MMS22L: variants seen among roughly 807,000 people sequenced by gnomAD.
MMS22L encodes MMS22 like, DNA repair protein.
In MMS22L, 74 loss-of-function variants were observed where a neutral mutation model predicts 159.1. The observed-to-expected ratio is 0.47, with a 90% confidence interval of 0.39 to 0.56. MMS22L has a LOEUF of 0.56. MMS22L is among the 20% of genes least tolerant of loss of function. MMS22L has a pLI of 0.00. For missense variants in MMS22L, 1,351 were observed against 1,422.1 expected, an observed-to-expected ratio of 0.95 and a Z score of 0.80; for synonymous variants, 517 against 506.9, an observed-to-expected ratio of 1.02 and a Z score of -0.27.
At chr6:97,189,314 T>C (rs570865560) in intron 14 of MMS22L, among the ~76,000 whole-genome samples, 22 of 149,328 alleles carry the variant, frequency 1.5e-4, no homozygotes, top group African/African-American at 5.1e-4. Context: ...AATCCCAGCA[T>C]TTTGGGAGGC....
chr6:97,255,954 C>T (rs998716225), intron 9 of MMS22L, among the ~76,000 whole-genome samples: 1 of 152,022 alleles, frequency 6.6e-6, no homozygotes, highest in African/African-American at 2.4e-5. Flanking sequence ...TGTATCTTTT[C>T]TATCAATTTT....
At chr6:97,160,936 T>C (rs1266673605) in intron 22 of MMS22L, among the ~76,000 whole-genome samples, 1 of 152,050 alleles carries the variant, frequency 6.6e-6, no homozygotes, top group Non-Finnish European at 1.5e-5. Flanking sequence ...GTTCTTTTCA[T>C]AAAATTTCTT....
intron 18 of MMS22L, among the ~76,000 whole-genome samples, chr6:97,176,943 A>G (rs1252870682): frequency 6.6e-6 from 1 of 152,120 alleles, no homozygotes; most frequent in Admixed American, 6.5e-5. Context: ...GACCTGACAC[A>G]ACTTAAAAAT....
intron 3 of MMS22L, 107 bp downstream of exon 3, chr6:97,281,130 A>C: frequency 9.2e-7 from 1 of 1,092,432 alleles, no homozygotes; most frequent in Non-Finnish European, 1.3e-6. Flanking sequence ...AGCAACCAGC[A>C]CAATTCCTCT....
chr6:97,195,718 G>A (rs1806419854), intron 14 of MMS22L, among the ~76,000 whole-genome samples: 1 of 152,142 alleles, frequency 6.6e-6, no homozygotes, highest in African/African-American at 2.4e-5. Context: ...CTGAACTGGA[G>A]GGTGATATAA....
chr6:97,171,525 A>ACAAAC, intron 19 of MMS22L, among the ~76,000 whole-genome samples: 1 of 152,304 alleles, frequency 6.6e-6, no homozygotes, highest in East Asian at 1.9e-4. Context: ...GAAGAATGAG[A>ACAAAC]AAAACAAAAC....
intron 10 of MMS22L, chr6:97,254,018 A>C (rs1273647095): frequency 6.6e-6 from 1 of 152,432 alleles, no homozygotes; most frequent in African/African-American, 2.4e-5. Context: ...TAACACTGTA[A>C]AAAATGTTTC....
At position 97,145,067 on chromosome 6, in the gene MMS22L, A is replaced by ACACACACACAC. The variant is rs34588294; in HGVS notation, c.*1738_*1739insGTGTGTGTGTG. On this transcript the variant is annotated 3_prime_UTR_variant, in exon 25 of 25. Coordinates refer to ENST00000683635, the MANE Select transcript of MMS22L (RefSeq NM_001350599.2). The stretch of plus-strand genomic sequence containing the variant: ...ACACACACACACACACACACACACA[A>ACACACACACAC]AAACACATATACACATAAATAACCT... The ACACACACACAC allele has an allele frequency of 1.9e-4, 23 of 124,268 alleles. 1 individual carries two copies. Among genetic ancestry groups the ACACACACACAC allele is most frequent in the African/African-American group, 2.6e-4 (7 of 27,232 alleles). The allele number at this position is 124,268 out of a possible 1,614,324, so 7.7% of individuals were successfully genotyped here.
chr6:97,216,781 T>A (rs1295337812), intron 14 of MMS22L, among the ~76,000 whole-genome samples: 3 of 152,224 alleles, frequency 2.0e-5, no homozygotes, highest in African/African-American at 7.2e-5. Flanking sequence ...GGGTTCAGAC[T>A]AGGAATCACA....
chr6:97,179,578 A>G lies in MMS22L; in HGVS notation c.2385-19T>C, dbSNP rs1231540244. 6.3e-7 allele frequency: 1 copy of G among 1,580,666 alleles called. No homozygotes were observed. The highest frequency in any genetic ancestry group is 1.2e-5 in the South Asian group (1 of 85,064). ...TAATGTGCTGTAGAAACAAATTGAC[A>G]AATATTTTTAAAACAAAAACGTTTC... On this transcript the variant is annotated intron_variant, in intron 16 of 24. Transcript: ENST00000683635.
chr6:97,242,725 G>A (rs1812216518), intron 11 of MMS22L, among the ~76,000 whole-genome samples: 2 of 152,112 alleles, frequency 1.3e-5, no homozygotes, highest in South Asian at 2.1e-4. Context: ...TATATTTTGA[G>A]GTTCAAGATT....
intron 14 of MMS22L, among the ~76,000 whole-genome samples, chr6:97,226,655 A>C (rs1192091010): frequency 6.6e-6 from 1 of 151,928 alleles, no homozygotes; most frequent in African/African-American, 2.4e-5. Context: ...TTCTTTATAC[A>C]TTCTTTATAC....
At chr6:97,194,336 G>A (rs553776670) in intron 14 of MMS22L, among the ~76,000 whole-genome samples, 155 of 152,234 alleles carry the variant, frequency 1.0e-3, no homozygotes, top group Non-Finnish European at 8.7e-4. Flanking sequence ...GATTCTAGGC[G>A]TTAGCCACCA....
At chr6:97,163,240 G>A (rs1053631500) in intron 21 of MMS22L, among the ~76,000 whole-genome samples, 4 of 151,924 alleles carry the variant, frequency 2.6e-5, no homozygotes, top group African/African-American at 9.7e-5. Flanking sequence ...GAAAGCAAGA[G>A]GCCCACCATG....
chr6:97,226,836 T>C (rs1237187909), intron 14 of MMS22L, among the ~76,000 whole-genome samples: 3 of 152,110 alleles, frequency 2.0e-5, no homozygotes, highest in Non-Finnish European at 4.4e-5. Flanking sequence ...AATTCTTTGT[T>C]GTAGGAGTTG....
chr6:97,189,551 CAAAAAAAAAAAAAAAA>C (rs67620002), intron 14 of MMS22L, among the ~76,000 whole-genome samples: 3 of 55,228 alleles, frequency 5.4e-5, no homozygotes, highest in East Asian at 9.0e-4. Context: ...ACTCTGTCTC[CAAAAAAAAAAAAAAAA>C]AAAAAAAAAA....
chr6:97,227,653 G>A (rs1236272414), intron 14 of MMS22L, among the ~76,000 whole-genome samples: 2 of 152,134 alleles, frequency 1.3e-5, no homozygotes, highest in Non-Finnish European at 2.9e-5. Context: ...CCAAAATTTG[G>A]AAATCTTGCC....
intron 21 of MMS22L, among the ~76,000 whole-genome samples, chr6:97,163,814 T>C (rs1802691301): frequency 6.6e-6 from 1 of 152,010 alleles, no homozygotes; most frequent in African/African-American, 2.4e-5. Context: ...GACATTTTAA[T>C]GGAGAAAGCA....
intron 14 of MMS22L, among the ~76,000 whole-genome samples, chr6:97,213,241 T>C (rs1808592509): frequency 6.6e-6 from 1 of 152,062 alleles, no homozygotes; most frequent in East Asian, 1.9e-4. Flanking sequence ...ACCCCATCTC[T>C]ACTAAAAATA....
Sources: allele counts gnomAD v4.1 joint callset (sites outside exome capture counted in the v4.1 genomes callset), GRCh38; gene constraint gnomAD v4.1.1; transcripts MANE v1.5; gene names NCBI Gene and HGNC (gene_info 2026-07-23, HGNC 2026-07-21).